The following KIF26B variants were observed in gnomAD, a reference collection of about 807,000 sequenced individuals.
KIF26B encodes kinesin family member 26B.
Under a neutral mutation model 151.2 loss-of-function variants are expected in KIF26B, and 63 were observed. The ratio of observed to expected loss-of-function variants is 0.42; its 90% CI spans 0.34 to 0.51. The LOEUF (loss-of-function observed/expected upper bound fraction) is 0.51. KIF26B is among the 20% of genes least tolerant of loss of function. KIF26B has a pLI of 0.07. For missense variants in KIF26B, 2,813 were observed against 2,913.6 expected, an observed-to-expected ratio of 0.97 and a Z score of 0.79; for synonymous variants, 1,357 against 1,262.1, an observed-to-expected ratio of 1.08 and a Z score of -1.59.
At chr1:245,336,534 G>A (rs1297708679) in intron 2 of KIF26B, among the ~76,000 whole-genome samples, 3 of 152,208 alleles carry the variant, frequency 2.0e-5, no homozygotes, top group Non-Finnish European at 4.4e-5. Context: ...GGACTAGCTG[G>A]ACTGGCAGGA....
chr1:245,171,412 C>A (rs973680547), intron 2 of KIF26B, among the ~76,000 whole-genome samples: 1 of 152,118 alleles, frequency 6.6e-6, no homozygotes, highest in South Asian at 2.1e-4. Context: ...GGTGTGGTGG[C>A]ACATGCCTGT....
intron 2 of KIF26B, among the ~76,000 whole-genome samples, chr1:245,262,116 G>T (rs947602290): frequency 6.6e-6 from 1 of 152,142 alleles, no homozygotes; most frequent in East Asian, 1.9e-4. Flanking sequence ...GCATGTCTTT[G>T]TGTTTGTCTT....
intron 2 of KIF26B, among the ~76,000 whole-genome samples, chr1:245,329,680 ACT>A (rs1451406672): frequency 2.0e-5 from 3 of 151,540 alleles, no homozygotes; most frequent in Non-Finnish European, 2.9e-5. Context: ...CAGGCTCCCA[ACT>A]CTCTCTCTCA....
chr1:245,369,187 GAGAGAGAGAGAC>G (rs1283066280), intron 3 of KIF26B, among the ~76,000 whole-genome samples: 38 of 139,656 alleles, frequency 2.7e-4, no homozygotes, highest in African/African-American at 1.0e-3. Context: ...GAGAGAGAGA[GAGAGAGAGAGAC>G]AGACAGACAG....
chr1:245,447,222 G>T (rs1470626388), intron 4 of KIF26B, among the ~76,000 whole-genome samples: 1 of 152,208 alleles, frequency 6.6e-6, no homozygotes, highest in Non-Finnish European at 1.5e-5. Flanking sequence ...GTGCTTTAGG[G>T]TGCTTTGCAC....
intron 1 of KIF26B, 131 bp from the exon 2 acceptor site, chr1:245,156,151 G>T: frequency 7.4e-7 from 1 of 1,359,908 alleles, no homozygotes; most frequent in Non-Finnish European, 9.7e-7. Context: ...TGGCCGCAGG[G>T]CTTGGAGAGG....
chr1:245,445,005 T>C (rs1170073762), intron 4 of KIF26B, among the ~76,000 whole-genome samples: 2 of 152,234 alleles, frequency 1.3e-5, no homozygotes, highest in Non-Finnish European at 2.9e-5. Flanking sequence ...TGGGGATCCC[T>C]CGCATACATC....
chr1:245,300,519 T>C (rs1236894603), intron 2 of KIF26B, among the ~76,000 whole-genome samples: 1 of 150,982 alleles, frequency 6.6e-6, no homozygotes, highest in Admixed American at 6.6e-5. Context: ...AAATGAATTA[T>C]TTTTTTTCTT....
At chr1:245,662,157 AC>A (rs1039073480) in intron 10 of KIF26B, among the ~76,000 whole-genome samples, 50 of 150,986 alleles carry the variant, frequency 3.3e-4, no homozygotes, top group African/African-American at 1.1e-3. Context: ...ATATATATAT[AC>A]CCAATGACAT....
intron 5 of KIF26B, among the ~76,000 whole-genome samples, chr1:245,600,508 T>TA (rs2043385360): frequency 6.6e-6 from 1 of 151,578 alleles, no homozygotes; most frequent in Non-Finnish European, 1.5e-5. Flanking sequence ...TATTTTTTTT[T>TA]AATTAACTTT....
At chr1:245,511,945 C>T (rs1660846958) in intron 4 of KIF26B, among the ~76,000 whole-genome samples, 1 of 152,142 alleles carries the variant, frequency 6.6e-6, no homozygotes, top group Admixed American at 6.5e-5. Context: ...GCCTTTTCTT[C>T]AAAATCTGAA....
At chr1:245,445,345 A>T (rs1659221943) in intron 4 of KIF26B, among the ~76,000 whole-genome samples, 1 of 152,262 alleles carries the variant, frequency 6.6e-6, no homozygotes, top group South Asian at 2.1e-4. Flanking sequence ...AAGTGTTCAT[A>T]TGATGCTAAT....
chr1:245,262,524 G>A lies in KIF26B; in HGVS notation c.466-104310G>A, dbSNP rs1318950442. ...GCTGGAGTGCAATGGCGCGATCTTG[G>A]CTCACTGCAACCCACACCTTCTGGG... is the stretch of plus-strand genomic sequence containing the variant. On this transcript the variant is annotated intron_variant, in intron 2 of 14. Transcript: ENST00000407071. Among the ~76,000 whole-genome samples the A allele has an allele frequency of 2.6e-5, 4 of 152,152 alleles. No individual in the cohort carries two copies. The East Asian group carries it at 7.7e-4, about 29-fold the overall frequency.
intron 2 of KIF26B, among the ~76,000 whole-genome samples, chr1:245,320,941 G>A (rs1671875686): frequency 6.6e-6 from 1 of 152,186 alleles, no homozygotes; most frequent in Admixed American, 6.5e-5. Flanking sequence ...TCCTCCCAAA[G>A]TGCTGGGATT....
chr1:245,391,671 AAAGAG>A (rs1673704924), intron 3 of KIF26B, among the ~76,000 whole-genome samples: 1 of 151,826 alleles, frequency 6.6e-6, no homozygotes, highest in African/African-American at 2.4e-5. Flanking sequence ...AAAAAAAAAA[AAAGAG>A]AGAGATTTGT....
rs998200091 is a variant in KIF26B, at chr1:245,597,342, C to T, written c.1351-5235C>T. ...CAGGCCTGGTGGTGACAAAATCTCT[C>T]AGCATTTGCCTGTCTGTAAGGGATT... On this transcript the variant is annotated intron_variant, in intron 5 of 14. Coordinates refer to ENST00000407071, the MANE Select transcript of KIF26B (RefSeq NM_018012.4). This position sits in a 1 kb window ranked among gnomAD's most constrained non-coding sequence, Gnocchi z 4.6. Among the ~76,000 whole-genome samples the T allele has an allele frequency of 6.6e-5, 10 of 152,330 alleles. No individual in the cohort carries two copies. The highest frequency in any genetic ancestry group is 1.3e-4 in the Non-Finnish European group (9 of 68,030).
At chr1:245,544,754 A>G (rs1661700031) in intron 5 of KIF26B, among the ~76,000 whole-genome samples, 1 of 152,220 alleles carries the variant, frequency 6.6e-6, no homozygotes, top group African/African-American at 2.4e-5. Flanking sequence ...GCCTTTGTCC[A>G]GTGGGGAAAG....
At chr1:245,571,913 G>A (rs1051403936) in intron 5 of KIF26B, among the ~76,000 whole-genome samples, 2 of 152,124 alleles carry the variant, frequency 1.3e-5, no homozygotes, top group African/African-American at 4.8e-5. Context: ...CCATCAAAGG[G>A]GCTAATCGTC....
chr1:245,214,043 C>T (rs529693812), intron 2 of KIF26B: 9 of 151,580 alleles, frequency 5.9e-5, no homozygotes, highest in Admixed American at 1.3e-4. Flanking sequence ...ACCTAAACAT[C>T]GAAGTTTATA....
Sources: allele counts gnomAD v4.1 joint callset (sites outside exome capture counted in the v4.1 genomes callset), GRCh38; gene constraint gnomAD v4.1.1; non-coding constraint Gnocchi (gnomAD v3.1); transcripts MANE v1.5; gene names NCBI Gene and HGNC (gene_info 2026-07-23, HGNC 2026-07-21).